Variants in CFAP46 observed in about 807,000 individuals in gnomAD.
CFAP46 encodes the protein cilia and flagella associated protein 46, also known as cilia- and flagella-associated protein 46.
In CFAP46, 245 loss-of-function variants were observed where a neutral mutation model predicts 325.7. The ratio of observed to expected loss-of-function variants is 0.75; its 90% CI spans 0.68 to 0.84. The LOEUF is 0.84. Ranked by LOEUF, CFAP46 falls within the 40% of genes least tolerant of loss-of-function variation. The pLI, the probability that CFAP46 is intolerant of heterozygous loss-of-function variation, is 0.00. For synonymous variants in CFAP46, 1,523 were observed against 1,495.9 expected, an observed-to-expected ratio of 1.02 and a Z score of -0.42; for missense variants, 3,346 against 3,543.0, an observed-to-expected ratio of 0.94 and a Z score of 1.41.
chr10:132,882,329 G>C (rs1485296592), intron 27 of CFAP46, among the ~76,000 whole-genome samples: 8 of 151,732 alleles, frequency 5.3e-5, no homozygotes, highest in Non-Finnish European at 4.4e-5. Flanking sequence ...TGGCCTGTGG[G>C]GTGTAGTATA....
At position 132,934,824 on chromosome 10, in the gene CFAP46, A is replaced by C. The variant is rs1462607701; in HGVS notation, c.794T>G (p.Val265Gly). Residue 265 changes from valine (V) to glycine (G), a missense_variant, in exon 8 of 58, where the codon GTC becomes GGC. Transcript: ENST00000368586. ...GTGTCTGTAGGCCTTCCTCAGAATG[A>C]CACTGATGTCACCTGGTAAATCATT... is the stretch of plus-strand genomic sequence containing the variant. The part of the protein sequence containing the change: ...EQNDLPGDIS[V>G]ILRKAYRHLG... The C allele has an allele frequency of 6.2e-7, 1 of 1,612,734 alleles. No homozygotes were observed. Among genetic ancestry groups the C allele is most frequent in the African/African-American group, 1.3e-5 (1 of 74,896 alleles).
chr10:132,886,746 G>GC lies in CFAP46; in HGVS notation c.3305-788dup. Reference sequence around the variant, plus strand: ...TCCTTTTACCTCAAGGATTCCAAGAGCCCCGGGAGATCCAAAACATCAAAC... The same window carrying GC: ...TCCTTTTACCTCAAGGATTCCAAGAGCCCCCGGGAGATCCAAAACATCAAAC... On this transcript the variant is annotated intron_variant, in intron 25 of 57. Transcript: ENST00000368586. This position sits in a 1 kb window ranked among gnomAD's most constrained non-coding sequence, Gnocchi z 5.8. Among the ~76,000 whole-genome samples, 1 of 152,160 alleles carries GC rather than the reference G, an allele frequency of 6.6e-6. No individual in the cohort carries two copies. The highest frequency in any genetic ancestry group is 1.9e-4 in the East Asian group (1 of 5,188).
chr10:132,869,292 C>A lies in CFAP46; in HGVS notation c.4592G>T (p.Ser1531Ile). The change falls in exon 33 of 58, where the codon AGC becomes ATC. Residue 1531 changes from serine (S) to isoleucine (I), a missense_variant. By Grantham distance (142) the Ser-to-Ile change is moderately radical. Transcript: ENST00000368586. This position sits in a 1 kb window ranked among gnomAD's most constrained non-coding sequence, Gnocchi z 6.2. ...CACACACCTGGCCTGCTCCAGCTCGCTGACGCACACCTGCCCGACCGCCTC... is the reference window on the plus strand; with the variant it reads ...CACACACCTGGCCTGCTCCAGCTCGATGACGCACACCTGCCCGACCGCCTC... ...HEEAVGQVCV[S>I]ELEQASCRKE... 1 of 1,537,332 alleles carries A rather than the reference C, an allele frequency of 6.5e-7. No homozygotes were observed.
Position 132,808,793 on chromosome 10 carries a change from TACC to T in CFAP46, c.7773_7775del (p.Val2593del). 1 of 1,603,546 alleles carries T rather than the reference TACC, an allele frequency of 6.2e-7. No individual in the cohort carries two copies. Among genetic ancestry groups the T allele is most frequent in the South Asian group, 1.1e-5 (1 of 89,522 alleles). ...ATGGGAGGCAGGTCCAGGCCTGCAC[TACC>T]CGATGGCTTGGTGCGGCAGCCCATA... On this transcript the variant is annotated inframe_deletion, in exon 58 of 58. Transcript: ENST00000368586. The surrounding 1 kb of genome is among the most constrained non-coding windows in gnomAD (Gnocchi z 6.8).
intron 7 of CFAP46, among the ~76,000 whole-genome samples, chr10:132,936,533 C>G (rs956595750): frequency 2.0e-5 from 3 of 149,644 alleles, no homozygotes; most frequent in Admixed American, 6.6e-5. Flanking sequence ...CTGTGATCTC[C>G]TCACTCCCCT....
chr10:132,905,630 C>T (rs1180189183), intron 22 of CFAP46, among the ~76,000 whole-genome samples: 1 of 152,176 alleles, frequency 6.6e-6, no homozygotes, highest in Non-Finnish European at 1.5e-5. Context: ...CAATTACCTC[C>T]ACGTGGAACG....
intron 41 of CFAP46, among the ~76,000 whole-genome samples, chr10:132,848,712 C>G (rs1179198710): frequency 6.6e-6 from 1 of 152,214 alleles, no homozygotes; most frequent in Non-Finnish European, 1.5e-5. Context: ...CGTTTGGATT[C>G]AACTGTGAAA....
At chr10:132,867,190 C>T (rs1257154113) in intron 34 of CFAP46, among the ~76,000 whole-genome samples, 185 bp downstream of exon 34, 4 of 148,786 alleles carry the variant, frequency 2.7e-5, no homozygotes, top group Non-Finnish European at 4.5e-5. Flanking sequence ...ACACACAGGC[C>T]GGCCCCTCAC....
chr10:132,812,203 C>T lies in CFAP46; in HGVS notation c.7501+582G>A, dbSNP rs1032308024. Among the ~76,000 whole-genome samples, 8 of 152,328 alleles carry T rather than the reference C, an allele frequency of 5.3e-5. No homozygotes were observed. The East Asian group carries it at 9.6e-4, about 18-fold the overall frequency. ...TGGGCCGTGGCGTGTGACAGGGTGA[C>T]GTACCCCTACGTGTGTGCTGTGCTC... On this transcript the variant is annotated intron_variant, in intron 55 of 57. Transcript: ENST00000368586.
rs144122531 is a variant in CFAP46, at chr10:132,886,534, C to T, written c.3305-575G>A. 6.6e-6 allele frequency among the ~76,000 whole-genome samples: 1 copy of T among 152,178 alleles called. No homozygotes were observed. The highest frequency in any genetic ancestry group is 2.4e-5 in the African/African-American group (1 of 41,450). ...CAGCCTCCATAGGGCGCCCTGTGGG[C>T]CATCAGTGCCCCCAAATGCACGAAG... is the stretch of plus-strand genomic sequence containing the variant. On this transcript the variant is annotated intron_variant, in intron 25 of 57. Coordinates refer to ENST00000368586, the MANE Select transcript of CFAP46 (RefSeq NM_001200049.3). This position sits in a 1 kb window ranked among gnomAD's most constrained non-coding sequence, Gnocchi z 5.8.
intron 19 of CFAP46, among the ~76,000 whole-genome samples, chr10:132,911,708 A>G (rs1849542960): frequency 6.6e-6 from 1 of 152,158 alleles, no homozygotes; most frequent in Non-Finnish European, 1.5e-5. Flanking sequence ...TCCACATTCC[A>G]TGGGATAAAT....
rs1341264266 is a variant in CFAP46, at chr10:132,866,100, C to T, written c.4815G>A (p.Lys1605=). The change falls in exon 35 of 58, where the codon AAG becomes AAA. Residue 1605 remains lysine, a synonymous_variant. Transcript: ENST00000368586. ...GTSFPHLWML[K]AEVLLEMNLY... The stretch of plus-strand genomic sequence containing the variant: ...GGTTCATCTCCAGCAGAACTTCTGC[C>T]TTCAGCATCCACAGGTGGGGAAAGG... The T allele has an allele frequency of 2.6e-6, 4 of 1,547,288 alleles. No homozygotes were observed. The African/African-American group carries it at 5.5e-5, about 21-fold the overall frequency.
rs536637250 is a variant in CFAP46 at position 132,885,124 on chromosome 10, G to C, written c.3606C>G (p.Asn1202Lys). ...ACACCTGCAAGGCCTGGATGGCGTT[G>C]TTGTAGCAGGCCAGCTCTCCAGACA... ...PSVSGELACY[N>K]NAIQALQKPE... Residue 1202 changes from asparagine (N) to lysine (K), a missense_variant, in exon 27 of 58, where the codon AAC becomes AAG. Coordinates refer to ENST00000368586, the MANE Select transcript of CFAP46 (RefSeq NM_001200049.3). 6.5e-7 allele frequency: 1 copy of C among 1,548,874 alleles called. No individual in the cohort carries two copies. The highest frequency in any genetic ancestry group is 1.2e-5 in the South Asian group (1 of 83,924).
chr10:132,916,808 T>C (rs1849647242), intron 16 of CFAP46, 126 bp from the exon 17 acceptor site: 3 of 1,332,114 alleles, frequency 2.3e-6, no homozygotes, highest in Non-Finnish European at 9.8e-7. Flanking sequence ...TGAGACCCGT[T>C]TGCTGTGCCC....
At chr10:132,822,456 T>A (rs944139643) in intron 50 of CFAP46, among the ~76,000 whole-genome samples, 6 of 144,708 alleles carry the variant, frequency 4.1e-5, no homozygotes, top group African/African-American at 7.8e-5. Flanking sequence ...TGATGTGTGC[T>A]GTGTGAGTGC....
chr10:132,849,058 G>T (rs191886588), intron 41 of CFAP46, among the ~76,000 whole-genome samples: 127 of 152,358 alleles, frequency 8.3e-4, no homozygotes, highest in African/African-American at 3.0e-3. Flanking sequence ...AGGCAGGTAC[G>T]TCCCGGCCTG....
chr10:132,814,808 C>T (rs757769855), intron 51 of CFAP46, 36 bp downstream of exon 51: 2 of 1,613,962 alleles, frequency 1.2e-6, no homozygotes, highest in East Asian at 2.2e-5. Flanking sequence ...CCGCTGTGCC[C>T]ACCAGCCCGA....
chr10:132,833,936 T>C lies in CFAP46; in HGVS notation c.6949+105A>G. On this transcript the variant is annotated intron_variant, in intron 49 of 57. Transcript: ENST00000368586. ...CAGCAGGGCTTGTGGGACTCCTGGG[T>C]TCCTGACCCCCCCTGGCGTTCCCGG... 13 of 1,030,568 alleles carry C rather than the reference T, an allele frequency of 1.3e-5. No individual in the cohort carries two copies. The South Asian group carries it at 1.8e-4, about 14-fold the overall frequency. 63.8% of individuals were successfully genotyped at this position (1,030,568 alleles called of 1,614,324 possible). A position where few individuals can be genotyped will look rare whatever the true frequency, so the allele number is the denominator to read the frequency against.
chr10:132,873,738 G>C (rs960264305), intron 31 of CFAP46, among the ~76,000 whole-genome samples: 1 of 152,160 alleles, frequency 6.6e-6, no homozygotes. Flanking sequence ...GAAAGCACAG[G>C]GTCCTTTGAG....
Sources: allele counts gnomAD v4.1 joint callset (sites outside exome capture counted in the v4.1 genomes callset), GRCh38; gene constraint gnomAD v4.1.1; non-coding constraint Gnocchi (gnomAD v3.1); transcripts MANE v1.5; gene names NCBI Gene and HGNC (gene_info 2026-07-23, HGNC 2026-07-21).